Variants in WDR3 observed in about 807,000 individuals in gnomAD.
WDR3 encodes WD repeat-containing protein 3.
WDR3 carries 81 observed loss-of-function variants against 123.7 expected under a neutral mutation model. The ratio of observed to expected loss-of-function variants is 0.65; its 90% CI spans 0.55 to 0.79. The LOEUF (loss-of-function observed/expected upper bound fraction) is 0.79, where lower values mean the gene tolerates loss of function less well. WDR3 is among the 30% of genes least tolerant of loss of function. The pLI, the probability that WDR3 is intolerant of heterozygous loss-of-function variation, is 0.00. For missense variants in WDR3, 1,027 were observed against 1,123.2 expected (o/e 0.91, Z 1.22); for synonymous variants, 390 against 388.8 (o/e 1.00, Z -0.04).
chr1:117,939,599 A>G (rs1651070808), intron 6 of WDR3, 27 bp downstream of exon 6: 1 of 1,604,624 alleles, frequency 6.2e-7, no homozygotes, highest in Non-Finnish European at 8.5e-7. Flanking sequence ...ATCATGGGCA[A>G]TATGTTTAGA....
chr1:117,941,073 A>C, intron 7 of WDR3, 51 bp from the exon 8 acceptor site: 1 of 1,600,894 alleles, frequency 6.2e-7, no homozygotes, highest in Non-Finnish European at 8.5e-7. Flanking sequence ...TTTTTTCAGA[A>C]GTTCAGCAGA....
intron 13 of WDR3, among the ~76,000 whole-genome samples, chr1:117,949,425 C>T (rs1358822513): frequency 6.6e-6 from 1 of 152,148 alleles, no homozygotes; most frequent in Non-Finnish European, 1.5e-5. Context: ...ATACTTTAAA[C>T]AAATCTAGAT....
At chr1:117,952,121 G>GTTATC (rs1651639349) in intron 17 of WDR3, 45 bp downstream of exon 17, 1 of 1,580,648 alleles carries the variant, frequency 6.3e-7, no homozygotes, top group South Asian at 1.1e-5. Context: ...TCACCTGTAA[G>GTTATC]TTATCACTTT....
intron 1 of WDR3, among the ~76,000 whole-genome samples, chr1:117,931,694 C>T (rs1650741012): frequency 6.6e-6 from 1 of 152,004 alleles, no homozygotes; most frequent in African/African-American, 2.4e-5. Flanking sequence ...TGGTAGATGG[C>T]CAAAGACAGA....
At position 117,959,627 on chromosome 1, in the gene WDR3, G is replaced by A; in HGVS notation, c.*180G>A. 1.8e-6 allele frequency: 1 copy of A among 564,518 alleles called. No homozygotes were observed. The highest frequency in any genetic ancestry group is 2.8e-6 in the Non-Finnish European group (1 of 356,562). 35.0% of individuals were successfully genotyped at this position (564,518 alleles called of 1,614,324 possible). On this transcript the variant is annotated 3_prime_UTR_variant, in exon 27 of 27. Coordinates refer to ENST00000349139, the MANE Select transcript of WDR3 (RefSeq NM_006784.3). ...AATTCCAACATGAGATTATGGGCTG[G>A]CTCCATTTCTTGGACTTAAAATGCA...
chr1:117,955,459 CT>C (rs2101257621), intron 24 of WDR3, 101 bp downstream of exon 24: 1 of 1,142,686 alleles, frequency 8.8e-7, no homozygotes, highest in Non-Finnish European at 1.3e-6. Context: ...TGATGGTTAT[CT>C]TATAGGTTTA....
At position 117,962,578 on chromosome 1, in the gene WDR3, T is replaced by C. The variant is rs540993110; in HGVS notation, c.*3131T>C. 1 of 151,568 alleles carries C rather than the reference T, an allele frequency of 6.6e-6. No individual in the cohort carries two copies. Among genetic ancestry groups the C allele is most frequent in the East Asian group, 1.9e-4 (1 of 5,166 alleles). The allele number at this position is 151,568 out of a possible 1,614,324, so 9.4% of individuals were successfully genotyped here. On this transcript the variant is annotated 3_prime_UTR_variant, in exon 27 of 27. Coordinates refer to ENST00000349139, the MANE Select transcript of WDR3 (RefSeq NM_006784.3). ...AAAAAAAAGGCTCTTGAATGATGTATTGGGAGTAAAACATTTAGGCTTATT... is the reference window on the plus strand; with the variant it reads ...AAAAAAAAGGCTCTTGAATGATGTACTGGGAGTAAAACATTTAGGCTTATT...
rs897660120 is a variant in WDR3, at chr1:117,938,630, C to G, written c.579+72C>G. 4.5e-6 allele frequency: 6 copies of G among 1,329,114 alleles called. No individual in the cohort carries two copies. In the Admixed American group the frequency reaches 1.2e-4, roughly 27 times the overall value. The allele number at this position is 1,329,114 out of a possible 1,614,324, so 82.3% of individuals were successfully genotyped here. ...GGAAAAGGTGGTGGTCTTCTCTTCC[C>G]CTTTCATGGCTCTTTGTTTTTAGTG... On this transcript the variant is annotated intron_variant, in intron 5 of 26. Transcript: ENST00000349139.
At chr1:117,943,352 G>A (rs1210265236) in intron 10 of WDR3, 44 bp from the exon 11 acceptor site, 3 of 1,517,174 alleles carry the variant, frequency 2.0e-6, no homozygotes, top group Middle Eastern at 1.7e-4. Flanking sequence ...AACCTTGTGA[G>A]CTAAGATGGT....
At chr1:117,945,328 T>C (rs1571016428) in intron 11 of WDR3, among the ~76,000 whole-genome samples, 1 of 152,228 alleles carries the variant, frequency 6.6e-6, no homozygotes, top group East Asian at 1.9e-4. Context: ...AGAGCCACAC[T>C]GGTCTTCTTG....
At chr1:117,949,547 T>A (rs1223833974) in intron 13 of WDR3, among the ~76,000 whole-genome samples, 1 of 152,218 alleles carries the variant, frequency 6.6e-6, no homozygotes, top group East Asian at 1.9e-4. Flanking sequence ...TCTGCCTATG[T>A]TAGTCGATGG....
At position 117,933,307 on chromosome 1, in the gene WDR3, C is replaced by G; in HGVS notation, c.-13C>G. The G allele has an allele frequency of 6.2e-7, 1 of 1,613,504 alleles. No individual in the cohort carries two copies. Among genetic ancestry groups the G allele is most frequent in the Non-Finnish European group, 8.5e-7 (1 of 1,179,540 alleles). On this transcript the variant is annotated 5_prime_UTR_variant, in exon 2 of 27. It adds an upstream start codon to the 5' untranslated region. Coordinates refer to ENST00000349139, the MANE Select transcript of WDR3 (RefSeq NM_006784.3). ...GCACAGATTGCTTCACCTGTGGTAT[C>G]AGACATCACAACATGGGGCTCACCA... is the stretch of plus-strand genomic sequence containing the variant.
At chr1:117,943,091 T>G (rs1411550263) in intron 10 of WDR3, among the ~76,000 whole-genome samples, 1 of 152,008 alleles carries the variant, frequency 6.6e-6, no homozygotes, top group East Asian at 1.9e-4. Flanking sequence ...TAACTGGGAT[T>G]ACAGACTTGT....
Position 117,943,631 on chromosome 1 carries a change from G to A in WDR3, c.1328+5G>A, listed in dbSNP as rs377533838. The A allele has an allele frequency of 5.9e-4, 946 of 1,613,132 alleles. 12 individuals carry two copies. Among genetic ancestry groups the A allele is most frequent in the Middle Eastern group, 4.2e-3 (25 of 5,972 alleles). The stretch of plus-strand genomic sequence containing the variant: ...TTCCATTAAAATATGGAACAGGTTC[G>A]TGAAATGATGTTTTATATAGCTGTA... On this transcript the variant is annotated splice_donor_5th_base_variant and intron_variant, in intron 11 of 26. Coordinates refer to ENST00000349139, the MANE Select transcript of WDR3 (RefSeq NM_006784.3).
intron 25 of WDR3, among the ~76,000 whole-genome samples, chr1:117,958,139 T>C (rs185350097): frequency 6.6e-6 from 1 of 152,290 alleles, no homozygotes; most frequent in East Asian, 1.9e-4. Context: ...GGTCAGCCAA[T>C]GCCAAATAGT....
rs1391203959 is a variant in WDR3, at chr1:117,958,955, G to A, written c.2628G>A (p.Val876=). The change falls in exon 26 of 27, where the codon GTG becomes GTA. Residue 876 remains valine, a synonymous_variant. Coordinates refer to ENST00000349139, the MANE Select transcript of WDR3 (RefSeq NM_006784.3). ...QITSNQMLVP[V]IEKLRETTIS... is the part of the protein sequence containing the mutation. ...CTAGCAATCAAATGCTTGTGCCAGT[G>A]ATAGAAAAATTAAGGGAAACAACTA... 23 of 1,613,970 alleles carry A rather than the reference G, an allele frequency of 1.4e-5. No individual in the cohort carries two copies. Among genetic ancestry groups the A allele is most frequent in the Non-Finnish European group, 1.9e-5 (23 of 1,179,942 alleles).
intron 23 of WDR3, chr1:117,955,054 A>G: frequency 2.4e-6 from 1 of 417,626 alleles, no homozygotes; most frequent in African/African-American, 2.0e-5. Flanking sequence ...TGCATGTCTC[A>G]TCACAGTAAT....
intron 6 of WDR3, 98 bp from the exon 7 acceptor site, chr1:117,940,729 G>A (rs1258859849): frequency 1.8e-5 from 20 of 1,114,084 alleles, no homozygotes; most frequent in South Asian, 4.5e-5. Flanking sequence ...CTCTGTCTCC[G>A]ACAACAACAA....
At chr1:117,946,375 T>A (rs1346053966) in intron 12 of WDR3, among the ~76,000 whole-genome samples, 196 bp downstream of exon 12, 1 of 150,176 alleles carries the variant, frequency 6.7e-6, no homozygotes, top group Admixed American at 6.6e-5. Flanking sequence ...AAAATTAAAA[T>A]CATGACCCTG....
Sources: gnomAD v4.1 joint callset for allele counts (sites outside exome capture counted in the v4.1 genomes callset) on GRCh38, gnomAD v4.1.1 for gene constraint, MANE v1.5 for transcripts, NCBI Gene and HGNC (gene_info 2026-07-23, HGNC 2026-07-21) for gene names.